IQGAP2: variants seen among roughly 807,000 people sequenced by gnomAD.
The protein encoded by IQGAP2 is IQ motif containing GTPase activating protein 2, also known as ras GTPase-activating-like protein IQGAP2.
A neutral mutation model predicts 201.3 loss-of-function variants in IQGAP2; 173 were observed. The ratio of observed to expected loss-of-function variants is 0.86; its 90% CI spans 0.76 to 0.98. The LOEUF (loss-of-function observed/expected upper bound fraction) is 0.98, where lower values mean the gene tolerates loss of function less well. Among genes scored for constraint, IQGAP2 ranks in the 50% least tolerant of loss-of-function variants. The probability of loss-of-function intolerance (pLI) is 0.00; values close to 1 mark genes in which losing one functional copy is unlikely to be tolerated. For synonymous variants in IQGAP2, 675 were observed against 673.9 expected (o/e 1.00, Z -0.03); for missense variants, 1,687 against 1,864.8 (o/e 0.90, Z 1.76).
intron 2 of IQGAP2, among the ~76,000 whole-genome samples, chr5:76,550,698 G>A (rs1468073059): frequency 6.6e-6 from 1 of 152,174 alleles, no homozygotes; most frequent in East Asian, 1.9e-4. Context: ...AGGATCACAA[G>A]GCAGAAGAAT....
At chr5:76,550,983 G>T (rs1207233567) in intron 2 of IQGAP2, among the ~76,000 whole-genome samples, 1 of 150,182 alleles carries the variant, frequency 6.7e-6, no homozygotes, top group East Asian at 2.0e-4. Context: ...CCGGGCGGGG[G>T]CTGCCCCCCA....
At position 76,589,088 on chromosome 5, in the gene IQGAP2, C is replaced by T. The variant is rs549566238; in HGVS notation, c.526+115C>T. The T allele has an allele frequency of 4.0e-4, 216 of 537,978 alleles. 1 individual carries two copies. The highest frequency in any genetic ancestry group is 3.4e-3 in the South Asian group (171 of 50,834). The allele number at this position is 537,978 out of a possible 1,614,324, so 33.3% of individuals were successfully genotyped here. On this transcript the variant is annotated intron_variant, in intron 6 of 35. Coordinates refer to ENST00000274364, the MANE Select transcript of IQGAP2 (RefSeq NM_006633.5). ...CAGCACTTTGGGAGGCCGAGGCGGGCGGATCACAAGGTCAGGAGATCGAGA... is the reference window on the plus strand; with the variant it reads ...CAGCACTTTGGGAGGCCGAGGCGGGTGGATCACAAGGTCAGGAGATCGAGA...
At chr5:76,637,898 T>G (rs1401915500) in intron 16 of IQGAP2, among the ~76,000 whole-genome samples, 1 of 152,262 alleles carries the variant, frequency 6.6e-6, no homozygotes, top group East Asian at 1.9e-4. Flanking sequence ...TACATTGAAC[T>G]GGAATTTCTA....
At chr5:76,635,645 A>G (rs987306063) in intron 15 of IQGAP2, among the ~76,000 whole-genome samples, 21 of 151,978 alleles carry the variant, frequency 1.4e-4, no homozygotes, top group African/African-American at 5.1e-4. Context: ...GAGTTTGAAA[A>G]CAGCCTGGAC....
intron 1 of IQGAP2, among the ~76,000 whole-genome samples, chr5:76,425,001 T>A (rs1479854747): frequency 6.6e-6 from 1 of 152,188 alleles, no homozygotes; most frequent in Non-Finnish European, 1.5e-5. Flanking sequence ...GAGAGCACGG[T>A]GCATGGAGGG....
chr5:76,610,956 G>T, intron 12 of IQGAP2, 64 bp from the exon 13 acceptor site: 1 of 1,365,878 alleles, frequency 7.3e-7, no homozygotes, highest in South Asian at 1.4e-5. Context: ...TTTTGCAATC[G>T]GTGATACTAA....
At position 76,588,935 on chromosome 5, in the gene IQGAP2, C is replaced by T; in HGVS notation, c.488C>T (p.Pro163Leu). 2 of 1,608,544 alleles carry T rather than the reference C, an allele frequency of 1.2e-6. No homozygotes were observed. Residue 163 changes from proline to leucine, a missense_variant, in exon 6 of 36, where the codon CCC becomes CTC. Transcript: ENST00000274364. ...SLYLFKLGIA[P>L]QIQDLLGKVD... is the part of the protein sequence containing the mutation. ...TATCTGTTCAAACTAGGAATAGCAC[C>T]CCAGATCCAGGATTTGTTGGGCAAA...
intron 1 of IQGAP2, among the ~76,000 whole-genome samples, chr5:76,422,462 A>C (rs1208206237): frequency 6.6e-6 from 1 of 152,344 alleles, no homozygotes; most frequent in Non-Finnish European, 1.5e-5. Flanking sequence ...TAAAAACAAC[A>C]GTTTAACTCC....
intron 2 of IQGAP2, among the ~76,000 whole-genome samples, chr5:76,558,377 G>A (rs940129052): frequency 6.6e-6 from 1 of 151,632 alleles, no homozygotes; most frequent in Middle Eastern, 3.4e-3. Flanking sequence ...ATGATTTCTT[G>A]CATTTTTCCA....
intron 30 of IQGAP2, among the ~76,000 whole-genome samples, chr5:76,691,037 CCA>C (rs1471836278): frequency 1.3e-5 from 2 of 152,246 alleles, no homozygotes; most frequent in Non-Finnish European, 2.9e-5. Context: ...TTGCACAAAT[CCA>C]CATGGCTAAT....
intron 2 of IQGAP2, among the ~76,000 whole-genome samples, chr5:76,561,244 C>A (rs1744344354): frequency 6.6e-6 from 1 of 152,146 alleles, no homozygotes; most frequent in Non-Finnish European, 1.5e-5. Context: ...TAAGGGGGGT[C>A]TACTGGATTC....
intron 2 of IQGAP2, among the ~76,000 whole-genome samples, chr5:76,557,504 C>T (rs1429039885): frequency 2.6e-5 from 4 of 152,138 alleles, no homozygotes; most frequent in African/African-American, 9.7e-5. Flanking sequence ...AGAGGTATCT[C>T]CATTGATGCC....
At chr5:76,556,519 T>C (rs1291990430) in intron 2 of IQGAP2, among the ~76,000 whole-genome samples, 1 of 152,214 alleles carries the variant, frequency 6.6e-6, no homozygotes, top group African/African-American at 2.4e-5. Flanking sequence ...CCTGCGTGAT[T>C]TCTTCTTAAC....
At chr5:76,664,820 A>G (rs1361104689) in intron 21 of IQGAP2, among the ~76,000 whole-genome samples, 1 of 152,200 alleles carries the variant, frequency 6.6e-6, no homozygotes, top group Non-Finnish European at 1.5e-5. Context: ...AAAAATGGTG[A>G]CAATAGGCAT....
chr5:76,596,128 T>TA (rs1203991872), intron 9 of IQGAP2, among the ~76,000 whole-genome samples: 2 of 152,172 alleles, frequency 1.3e-5, no homozygotes, highest in Non-Finnish European at 2.9e-5. Flanking sequence ...TATCTCTTAG[T>TA]AAAAATATTG....
intron 8 of IQGAP2, among the ~76,000 whole-genome samples, chr5:76,591,680 C>T (rs1285286248): frequency 1.3e-5 from 2 of 152,210 alleles, no homozygotes; most frequent in Non-Finnish European, 2.9e-5. Context: ...CCTCTTCCTT[C>T]TCCCTCTCAG....
chr5:76,569,520 A>G (rs951231630), intron 3 of IQGAP2, among the ~76,000 whole-genome samples: 3 of 152,232 alleles, frequency 2.0e-5, no homozygotes, highest in East Asian at 1.9e-4. Context: ...CACATGGTTC[A>G]ATCACGAATA....
At chr5:76,668,479 T>G (rs1743990594) in intron 22 of IQGAP2, among the ~76,000 whole-genome samples, 1 of 151,806 alleles carries the variant, frequency 6.6e-6, no homozygotes, top group South Asian at 2.1e-4. Context: ...TAGGAAACTG[T>G]AGTAGAAAGT....
In IQGAP2 at chr5:76,597,525, C is replaced by A; in HGVS notation, c.994C>A (p.Gln332Lys). 1 of 1,613,936 alleles carries A rather than the reference C, an allele frequency of 6.2e-7. No individual in the cohort carries two copies. Among genetic ancestry groups the A allele is most frequent in the South Asian group, 1.1e-5 (1 of 91,058 alleles). Residue 332 changes from glutamine to lysine, a missense_variant, in exon 10 of 36, where the codon CAG (glutamine) becomes AAG (lysine). Transcript: ENST00000274364. Reference sequence around the variant, plus strand: ...GCTTGCACTGAAGAAACCAGAGGCCCAGCTGCCTGCTGTTTATCCCTTTGC... The same window carrying A: ...GCTTGCACTGAAGAAACCAGAGGCCAAGCTGCCTGCTGTTTATCCCTTTGC... ...TLLALKKPEA[Q>K]LPAVYPFAAA...
Sources: gnomAD v4.1 joint callset for allele counts (sites outside exome capture counted in the v4.1 genomes callset) on GRCh38, gnomAD v4.1.1 for gene constraint, MANE v1.5 for transcripts, NCBI Gene and HGNC (gene_info 2026-07-23, HGNC 2026-07-21) for gene names.